Variants in RAB33A observed in about 807,000 individuals in gnomAD.
RAB33A encodes the protein RAB33A, member RAS oncogene family.
In RAB33A, 6 loss-of-function variants were observed where a neutral mutation model predicts 12.0. The observed-to-expected ratio is 0.50, with a 90% CI of 0.27 to 0.99. The LOEUF is 0.99. RAB33A is among the 50% of genes least tolerant of loss of function. RAB33A has a pLI of 0.11. For synonymous variants in RAB33A, 70 were observed against 82.4 expected (o/e 0.85, Z 0.81); for missense variants, 109 against 192.0 (o/e 0.57, Z 2.55).
chrX:130,155,349 G>T, the RAB33A span: 2 of 1,162,495 alleles, frequency 1.7e-6, no homozygotes, highest in Non-Finnish European at 1.2e-6. Flanking sequence ...TATTAATGAA[G>T]AAACATTCAA....
the RAB33A span, chrX:130,156,699 G>T: frequency 1.1e-6 from 1 of 946,135 alleles, no homozygotes; most frequent in Non-Finnish European, 1.5e-6. Flanking sequence ...AAGACTTATT[G>T]CCCACAGATA....
At chrX:130,113,073 C>T in the RAB33A span, among the ~76,000 whole-genome samples, 301 of 70,446 alleles carry the variant, frequency 4.3e-3, no homozygotes, top group Middle Eastern at 0.034. Flanking sequence ...TTTTTTTTTT[C>T]CTTCTTTTTT....
chrX:130,148,358 C>T, the RAB33A span, among the ~76,000 whole-genome samples: 1 of 111,255 alleles, frequency 9.0e-6, no homozygotes, highest in South Asian at 3.8e-4. Context: ...AAATTGCCCA[C>T]CCAGAGTTGT....
the RAB33A span, among the ~76,000 whole-genome samples, chrX:130,161,845 G>T: frequency 9.0e-6 from 1 of 111,222 alleles, no homozygotes; most frequent in Non-Finnish European, 1.9e-5. Flanking sequence ...AACCTCAAGT[G>T]ATCTGCCCAC....
At chrX:130,147,631 C>T in the RAB33A span, 7 of 1,210,479 alleles carry the variant, frequency 5.8e-6, no homozygotes, top group Non-Finnish European at 2.2e-6. Flanking sequence ...TACCTTCAGA[C>T]ATAAAAATCA....
chrX:130,144,546 T>C, the RAB33A span, among the ~76,000 whole-genome samples: 1 of 111,624 alleles, frequency 9.0e-6, no homozygotes, highest in Non-Finnish European at 1.9e-5. Context: ...TTTACTTGGA[T>C]GCTCTTCAGT....
At chrX:130,112,497 T>C in the RAB33A span, among the ~76,000 whole-genome samples, 1 of 112,351 alleles carries the variant, frequency 8.9e-6, no homozygotes, top group East Asian at 2.8e-4. Flanking sequence ...TCCAGCTCAC[T>C]ATTTACCAGC....
chrX:130,115,171 G>A, the RAB33A span, among the ~76,000 whole-genome samples: 8 of 111,248 alleles, frequency 7.2e-5, no homozygotes, highest in Non-Finnish European at 1.5e-4. Context: ...GTTCTTTGGA[G>A]ATGAGGTGGC....
At chrX:130,125,633 G>C in the RAB33A span, among the ~76,000 whole-genome samples, 1 of 110,247 alleles carries the variant, frequency 9.1e-6, no homozygotes, top group Non-Finnish European at 1.9e-5. Flanking sequence ...GAGCGGGAAA[G>C]GGAAGGGGCA....
In RAB33A at chrX:130,184,279, T is replaced by C; in HGVS notation, c.259-6T>C. 1 of 1,202,284 alleles carries C rather than the reference T, an allele frequency of 8.3e-7. No homozygotes were observed. The highest frequency in any genetic ancestry group is 1.1e-6 in the Non-Finnish European group (1 of 889,241). ...GACTCCACCTTTGGGTTTTTGTATCTTCCAGGTTCAGGTGTGGGACACAGC... is the reference window on the plus strand; with the variant it reads ...GACTCCACCTTTGGGTTTTTGTATCCTCCAGGTTCAGGTGTGGGACACAGC... On this transcript the variant is annotated splice_region_variant and splice_polypyrimidine_tract_variant and intron_variant, in intron 1 of 1. Coordinates refer to ENST00000257017, the MANE Select transcript of RAB33A (RefSeq NM_004794.3).
the RAB33A span, among the ~76,000 whole-genome samples, chrX:130,112,807 A>G: frequency 9.0e-6 from 1 of 111,238 alleles, no homozygotes; most frequent in African/African-American, 3.3e-5. Flanking sequence ...CAGAGGTTGC[A>G]GTGAGCCGAG....
rs1052147826 is a variant in RAB33A, at chrX:130,174,443, G to A, written c.258+2123G>A. Among the ~76,000 whole-genome samples the A allele has an allele frequency of 2.7e-5, 3 of 112,173 alleles. No individual in the cohort carries two copies. In the South Asian group the frequency reaches 1.1e-3, roughly 41 times the overall value. Reference sequence around the variant, plus strand: ...ATCTCAGGACCATGCTGGCAGGCGAGAGACCAGCATGTCTGTGGGAAGATG... The same window carrying A: ...ATCTCAGGACCATGCTGGCAGGCGAAAGACCAGCATGTCTGTGGGAAGATG... On this transcript the variant is annotated intron_variant, in intron 1 of 1. Coordinates refer to ENST00000257017, the MANE Select transcript of RAB33A (RefSeq NM_004794.3).
the RAB33A span, among the ~76,000 whole-genome samples, chrX:130,156,210 T>G: frequency 8.9e-6 from 1 of 111,780 alleles, no homozygotes; most frequent in South Asian, 3.7e-4. Flanking sequence ...GAAAACATAG[T>G]GGCTTTCAAG....
the RAB33A span, among the ~76,000 whole-genome samples, chrX:130,134,437 G>C: frequency 1.8e-5 from 2 of 110,683 alleles, no homozygotes; most frequent in South Asian, 7.6e-4. Context: ...TGTTTTCTTA[G>C]ATTTCTTTTT....
At chrX:130,167,472 G>T (rs888143282), upstream of RAB33A, among the ~76,000 whole-genome samples, 10 of 113,307 alleles carry the variant, frequency 8.8e-5, no homozygotes, top group Non-Finnish European at 1.5e-4. Flanking sequence ...GTCAGGCTCC[G>T]TGGCTCATGC....
At chrX:130,173,495 A>T (rs1421063546) in intron 1 of RAB33A, among the ~76,000 whole-genome samples, 4 of 111,707 alleles carry the variant, frequency 3.6e-5, no homozygotes, top group Non-Finnish European at 7.5e-5. Flanking sequence ...CTGATGAAAC[A>T]CTTGAAACTG....
At chrX:130,123,342 G>A in the RAB33A span, among the ~76,000 whole-genome samples, 202 of 111,754 alleles carry the variant, frequency 1.8e-3, 1 homozygote, top group African/African-American at 6.4e-3. Context: ...TCTGCTTTGG[G>A]AGAAAACACA....
chrX:130,180,159 C>A (rs1403156366), intron 1 of RAB33A, among the ~76,000 whole-genome samples: 1 of 111,131 alleles, frequency 9.0e-6, no homozygotes, highest in Non-Finnish European at 1.9e-5. Flanking sequence ...AGTTTGAAAC[C>A]AGGTTGGGAA....
chrX:130,179,260 G>A (rs1218068471), intron 1 of RAB33A, among the ~76,000 whole-genome samples: 2 of 111,799 alleles, frequency 1.8e-5, no homozygotes, highest in African/African-American at 6.5e-5. Context: ...TGGCAGTTCC[G>A]GCAATTTGGG....
Sources: allele counts gnomAD v4.1 joint callset (sites outside exome capture counted in the v4.1 genomes callset), GRCh38; gene constraint gnomAD v4.1.1; transcripts MANE v1.5; gene names NCBI Gene and HGNC (gene_info 2026-07-23, HGNC 2026-07-21).